The following FLNA variants were observed in gnomAD, a reference collection of about 807,000 sequenced individuals.
FLNA encodes filamin-A.
A neutral mutation model predicts 157.6 loss-of-function variants in FLNA; 7 were observed. The ratio of observed to expected loss-of-function variants is 0.04; its 90% confidence interval spans 0.03 to 0.08. The LOEUF is 0.08. FLNA is among the 10% of genes least tolerant of loss of function. The pLI is 1.00. For missense variants in FLNA, 1,750 were observed against 2,398.4 expected (o/e 0.73, Z 5.65); for synonymous variants, 1,103 against 1,060.8 (o/e 1.04, Z -0.77).
chrX:154,350,473 G>A (rs181396578), intron 44 of FLNA: 2 of 422,963 alleles, frequency 4.7e-6, no homozygotes, highest in African/African-American at 2.5e-5. Flanking sequence ...AAAGGTTACC[G>A]TGAACACCAT....
intron 30 of FLNA, 24 bp from the exon 31 acceptor site, chrX:154,355,096 A>G (rs2067652698): frequency 8.4e-7 from 1 of 1,193,072 alleles, no homozygotes; most frequent in African/African-American, 1.8e-5. Flanking sequence ...GTGGGTCCCC[A>G]AAGGGGGGCC....
Position 154,354,964 on chromosome X carries a change from C to T in FLNA, c.5078G>A (p.Gly1693Asp). The T allele has an allele frequency of 8.2e-7, 1 of 1,212,298 alleles. No homozygotes were observed. Among genetic ancestry groups the T allele is most frequent in the Non-Finnish European group, 1.1e-6 (1 of 895,646 alleles). ...CACCACGTCCACATCCACCTCTGAG[C>T]CATCAGGCGTGCACACGGTGCACGT... ...KVTCTVCTPD[G>D]SEVDVDVVEN... Residue 1693 changes from glycine to aspartate, a missense_variant, in exon 31 of 48, where the codon GGC (glycine) becomes GAC (aspartate). By Grantham distance (94) the Gly-to-Asp change is moderately conservative. This residue lies in a region of FLNA where 970 missense variants were observed against 1,302.6 expected (regional missense o/e 0.74). Coordinates refer to ENST00000369850, the MANE Select transcript of FLNA (RefSeq NM_001110556.2).
At chrX:154,349,149 A>C in intron 47 of FLNA, 113 bp from the exon 48 acceptor site, 1 of 857,245 alleles carries the variant, frequency 1.2e-6, no homozygotes, top group Non-Finnish European at 1.7e-6. Flanking sequence ...TCTCTTCCTA[A>C]AGAGCTGCCA....
At chrX:154,370,497 G>C (rs1557180100) in intron 2 of FLNA, among the ~76,000 whole-genome samples, 1 of 112,805 alleles carries the variant, frequency 8.9e-6, no homozygotes, top group Admixed American at 9.2e-5. Context: ...ACAGCTGTGG[G>C]GGGAGAGCCC....
rs1276021239 is a variant in FLNA at position 154,366,178 on chromosome X, T to C, written c.1275A>G (p.Gly425=). ...EVEVVIQDPM[G]QKGTVEPQLE... ...GCTGAGGCTCTACCGTGCCCTTCTG[T>C]CCCATGGGGTCCTGGATCACAACCT... The change falls in exon 9 of 48, where the codon GGA becomes GGG. Residue 425 remains glycine (G), a synonymous_variant. Coordinates refer to ENST00000369850, the MANE Select transcript of FLNA (RefSeq NM_001110556.2). 1 of 1,209,116 alleles carries C rather than the reference T, an allele frequency of 8.3e-7. No homozygotes were observed.
At chrX:154,363,090 T>A (rs782784745) in intron 15 of FLNA, among the ~76,000 whole-genome samples, 1 of 112,689 alleles carries the variant, frequency 8.9e-6, no homozygotes, top group African/African-American at 3.2e-5. Flanking sequence ...GAATGTGGTC[T>A]GGCCACACAA....
Position 154,361,413 on chromosome X carries a change from C to T in FLNA, c.3102G>A (p.Leu1034=). 4 of 1,210,843 alleles carry T rather than the reference C, an allele frequency of 3.3e-6. No individual in the cohort carries two copies. The highest frequency in any genetic ancestry group is 4.5e-6 in the Non-Finnish European group (4 of 895,244). ...CCTCATAGGGCCCTTCCTCACGGGG[C>T]AGGAAGCGCACCACACTGTTGTCAG... is the stretch of plus-strand genomic sequence containing the variant. ...LGADNSVVRF[L]PREEGPYEVE... The change falls in exon 21 of 48, where the codon CTG becomes CTA. Residue 1034 remains leucine, a synonymous_variant. Coordinates refer to ENST00000369850, the MANE Select transcript of FLNA (RefSeq NM_001110556.2).
chrX:154,348,685 G>A lies in FLNA; in HGVS notation c.*164C>T. The A allele has an allele frequency of 2.2e-6, 1 of 446,160 alleles. No homozygotes were observed. The highest frequency in any genetic ancestry group is 3.8e-6 in the Non-Finnish European group (1 of 265,578). The allele number at this position is 446,160 out of a possible 1,213,427, so 36.8% of individuals were successfully genotyped here. ...CCCAAGTGAAAGCCGAGAGGTCAGC[G>A]GCTGGCTGGGGAGGCAGGTGAGCGC... On this transcript the variant is annotated 3_prime_UTR_variant, in exon 48 of 48. Coordinates refer to ENST00000369850, the MANE Select transcript of FLNA (RefSeq NM_001110556.2).
Position 154,359,313 on chromosome X carries a change from G to A in FLNA, c.4236C>T (p.Val1412=), listed in dbSNP as rs782589572. ...TGCCAGCCTCATAAGGGATGTACTC[G>A]ACCGAGCAGCTGCCGTCCTTGTTAT... is the stretch of plus-strand genomic sequence containing the variant. ...CMDNKDGSCS[V]EYIPYEAGTY... The change falls in exon 25 of 48, where the codon GTC becomes GTT. Residue 1412 remains valine, a synonymous_variant. Coordinates refer to ENST00000369850, the MANE Select transcript of FLNA (RefSeq NM_001110556.2). The A allele has an allele frequency of 5.0e-6, 6 of 1,211,127 alleles. No individual in the cohort carries two copies. Among genetic ancestry groups the A allele is most frequent in the East Asian group, 3.0e-5 (1 of 33,841 alleles).
At position 154,364,364 on chromosome X, in the gene FLNA, T is replaced by C. The variant is rs1557178688; in HGVS notation, c.2031A>G (p.Ala677=). 6 of 1,209,730 alleles carry C rather than the reference T, an allele frequency of 5.0e-6. No individual in the cohort carries two copies. The highest frequency in any genetic ancestry group is 6.7e-6 in the Non-Finnish European group (6 of 894,293). Residue 677 remains alanine (A), a synonymous_variant, in exon 14 of 48, where the codon GCA becomes GCG. Coordinates refer to ENST00000369850, the MANE Select transcript of FLNA (RefSeq NM_001110556.2). ...PQDFHPDRVK[A]RGPGLEKTGV... ...CTGTCTTCTCCAATCCAGGCCCACG[T>C]GCCTTCACCTAGCGGGAGACCACCC... is the stretch of plus-strand genomic sequence containing the variant.
rs2148114099 is a variant in FLNA, at chrX:154,362,114, T to C, written c.2691A>G (p.Val897=). ...TGCCTTTGCCAGCAGCTTTGGCATT[T>C]ACTGTGAAGTGGGTGGGCTTGCCAA... ...VELGKPTHFT[V]NAKAAGKGKL... Residue 897 remains valine (V), a synonymous_variant, in exon 19 of 48, where the codon GTA becomes GTG. Coordinates refer to ENST00000369850, the MANE Select transcript of FLNA (RefSeq NM_001110556.2). 1 of 1,211,649 alleles carries C rather than the reference T, an allele frequency of 8.3e-7. No homozygotes were observed. The highest frequency in any genetic ancestry group is 1.1e-6 in the Non-Finnish European group (1 of 895,375).
intron 14 of FLNA, 22 bp downstream of exon 14, chrX:154,364,237 C>A (rs983127237): frequency 8.3e-7 from 1 of 1,207,621 alleles, no homozygotes; most frequent in African/African-American, 1.7e-5. Context: ...TGCCCTGCCC[C>A]CAACACCCGT....
intron 30 of FLNA, 33 bp downstream of exon 30, chrX:154,357,218 G>A: frequency 8.4e-7 from 1 of 1,196,229 alleles, no homozygotes; most frequent in Non-Finnish European, 1.1e-6. Context: ...TGGGCAGGAG[G>A]GGCATTGGGA....
chrX:154,356,068 T>C (rs967378818), intron 30 of FLNA, among the ~76,000 whole-genome samples: 13 of 112,541 alleles, frequency 1.2e-4, no homozygotes, highest in South Asian at 1.1e-3. Flanking sequence ...CAGACCTGGC[T>C]GCCGGCTGCC....
chrX:154,354,702 C>G lies in FLNA; in HGVS notation c.5227G>C (p.Gly1743Arg). Residue 1743 changes from glycine to arginine, a missense_variant, in exon 32 of 48, where the codon GGG becomes CGG. Transcript: ENST00000369850. ...GGGGGCTGCACCGAGGGCTGGTCCCCAGCCAGAGCCTGCAGGGCAAAGCAG... is the reference window on the plus strand; with the variant it reads ...GGGGGCTGCACCGAGGGCTGGTCCCGAGCCAGAGCCTGCAGGGCAAAGCAG... ...NSPFQVTALA[G>R]DQPSVQPPLR... The G allele has an allele frequency of 8.3e-7, 1 of 1,207,725 alleles. No homozygotes were observed. The highest frequency in any genetic ancestry group is 1.1e-6 in the Non-Finnish European group (1 of 893,599).
chrX:154,371,910 G>A (rs1557180421), intron 1 of FLNA, among the ~76,000 whole-genome samples: 1 of 113,644 alleles, frequency 8.8e-6, no homozygotes, highest in Non-Finnish European at 1.9e-5. Flanking sequence ...CGGCAGCCCC[G>A]GACCAGGCAC....
At chrX:154,355,234 C>T (rs782137694) in intron 30 of FLNA, among the ~76,000 whole-genome samples, 162 bp from the exon 31 acceptor site, 7 of 113,494 alleles carry the variant, frequency 6.2e-5, no homozygotes, top group African/African-American at 1.9e-4. Context: ...GCTGGGATGG[C>T]GAGTGGTTTC....
chrX:154,365,873 G>T, intron 9 of FLNA, 151 bp downstream of exon 9: 2 of 487,495 alleles, frequency 4.1e-6, no homozygotes, highest in Non-Finnish European at 6.8e-6. Context: ...GGCCCCAGCA[G>T]GGGAGGAAAA....
rs141021453 is a variant in FLNA, at chrX:154,371,409, A to G, written c.-116-48T>C. 0.23 allele frequency: 102,885 copies of G among 451,328 alleles called. 8,326 individuals are homozygous for G. Among genetic ancestry groups the G allele is most frequent in the South Asian group, 0.54 (15,924 of 29,602 alleles). 37.2% of individuals were successfully genotyped at this position (451,328 alleles called of 1,213,427 possible). On this transcript the variant is annotated intron_variant, in intron 1 of 47. Transcript: ENST00000369850. ...AAATGCGGGAGGAGGGCGGGGCCAG[A>G]GGGCGGGCCTCCTGCGGGGAGGGGC... is the stretch of plus-strand genomic sequence containing the variant.
Sources: allele counts gnomAD v4.1 joint callset (sites outside exome capture counted in the v4.1 genomes callset), GRCh38; gene constraint gnomAD v4.1.1; regional missense constraint gnomAD v4.1.1; transcripts MANE v1.5; gene names NCBI Gene and HGNC (gene_info 2026-07-23, HGNC 2026-07-21).